The following SHOX variants were observed in gnomAD, a reference collection of about 807,000 sequenced individuals.
The protein encoded by SHOX is SHOX homeobox.
In SHOX, 12 loss-of-function variants were observed where a neutral mutation model predicts 29.6. The observed-to-expected ratio is 0.41, with a 90% CI of 0.26 to 0.66. The LOEUF (loss-of-function observed/expected upper bound fraction) is 0.66, where lower values mean the gene tolerates loss of function less well. Ranked by LOEUF, SHOX falls within the 30% of genes least tolerant of loss-of-function variation. SHOX has a pLI of 0.35. For missense variants in SHOX, 499 were observed against 437.7 expected, an observed-to-expected ratio of 1.14 and a Z score of -1.25; for synonymous variants, 214 against 200.6, an observed-to-expected ratio of 1.07 and a Z score of -0.57.
downstream of SHOX, among the ~76,000 whole-genome samples, chrX:654,357 A>T (rs748959819): frequency 3.5e-3 from 526 of 151,686 alleles, 1 homozygote; most frequent in African/African-American, 0.011. Context: ...TAAAAAAATT[A>T]AAAAAAAATT....
chrX:651,414 A>C lies in SHOX; in HGVS notation c.*6778A>C, dbSNP rs747735811. The C allele has an allele frequency of 2.9e-5, 13 of 453,446 alleles. No individual in the cohort carries two copies. Among genetic ancestry groups the C allele is most frequent in the African/African-American group, 1.2e-4 (6 of 49,714 alleles). The allele number at this position is 453,446 out of a possible 1,614,324, so 28.1% of individuals were successfully genotyped here. On this transcript the variant is annotated 3_prime_UTR_variant, in exon 5 of 5. Coordinates refer to ENST00000686671, the MANE Select transcript of SHOX (RefSeq NM_000451.4). ...GAAAAAAAACAAACAAACAAACAGA[A>C]AAAAAAACCAAAAAAAACCACCCTG... is the stretch of plus-strand genomic sequence containing the variant.
chrX:634,522 G>T (rs762601288), intron 1 of SHOX, 96 bp from the exon 2 acceptor site: 93 of 1,347,984 alleles, frequency 6.9e-5, no homozygotes, highest in Non-Finnish European at 9.5e-5. Flanking sequence ...ATTGGTTTTC[G>T]AGGGCCCCCT....
chrX:633,243 C>T (rs1431740690), intron 1 of SHOX, among the ~76,000 whole-genome samples: 3 of 152,194 alleles, frequency 2.0e-5, no homozygotes, highest in South Asian at 4.2e-4. Context: ...CCTGGGAGCC[C>T]GTGGGTTCTG....
rs1569495959 is a variant in SHOX, at chrX:650,791, T to TAAAAAA, written c.*6155_*6156insAAAAAA. Among the ~76,000 whole-genome samples the TAAAAAA allele has an allele frequency of 1.7e-4, 5 of 29,870 alleles. No individual in the cohort carries two copies. Among genetic ancestry groups the TAAAAAA allele is most frequent in the African/African-American group, 4.7e-4 (4 of 8,434 alleles). The allele number at this position is 29,870 out of a possible 152,430, so 19.6% of individuals were successfully genotyped here. On this transcript the variant is annotated 3_prime_UTR_variant, in exon 5 of 5. Coordinates refer to ENST00000686671, the MANE Select transcript of SHOX (RefSeq NM_000451.4). ...AGGCTTTCGGTGGACACGTTTGACA[T>TAAAAAA]TAAAAAAAAAAAAAAAAAAAAAAAA...
At chrX:634,563 C>G in intron 1 of SHOX, 55 bp from the exon 2 acceptor site, 1 of 1,592,590 alleles carries the variant, frequency 6.3e-7, no homozygotes, top group Non-Finnish European at 8.6e-7. Context: ...AGGGGTTCGC[C>G]ACGTTGCGCA....
rs1556473256 is a variant in SHOX at position 650,814 on chromosome X, A to AAAAC, written c.*6181_*6182insCAAA. Among the ~76,000 whole-genome samples, 2 of 150,868 alleles carry AAAAC rather than the reference A, an allele frequency of 1.3e-5. No homozygotes were observed. Among genetic ancestry groups the AAAAC allele is most frequent in the African/African-American group, 4.9e-5 (2 of 40,998 alleles). ...CATTAAAAAAAAAAAAAAAAAAAAA[A>AAAAC]AAAAACTGGTGCCTAATTTATTAAA... On this transcript the variant is annotated 3_prime_UTR_variant, in exon 5 of 5. Transcript: ENST00000686671.
rs73607275 is a variant in SHOX, at chrX:643,491, G to A, written c.634-900G>A. ...ACCTGGTGTCCTGGGGAGAGCCTTGGGGACCTGGTGACCTTGGAGAGGCTT... is the reference window on the plus strand; with the variant it reads ...ACCTGGTGTCCTGGGGAGAGCCTTGAGGACCTGGTGACCTTGGAGAGGCTT... On this transcript the variant is annotated intron_variant, in intron 4 of 4. Transcript: ENST00000686671. Among the ~76,000 whole-genome samples the A allele has an allele frequency of 5.3e-3, 782 of 148,152 alleles. 14 individuals are homozygous for A. Among genetic ancestry groups the A allele is most frequent in the African/African-American group, 0.017 (663 of 39,646 alleles).
chrX:658,577 TCTC>T (rs2053180442), intron 5 of SHOX, among the ~76,000 whole-genome samples: 1 of 150,876 alleles, frequency 6.6e-6, no homozygotes, highest in South Asian at 2.1e-4. Context: ...TTCACGCCAT[TCTC>T]CTGCCTCAGC....
chrX:630,845 G>C lies in SHOX; in HGVS notation c.-53G>C. The stretch of plus-strand genomic sequence containing the variant: ...GCGCACGGGCCGTCCTCTCCGCGCG[G>C]GGAGACGCGCGCATCCACCAGCCCC... On this transcript the variant is annotated 5_prime_UTR_variant, in exon 1 of 5. Transcript: ENST00000686671. 2.5e-6 allele frequency: 4 copies of C among 1,607,396 alleles called. No individual in the cohort carries two copies. In the South Asian group the frequency reaches 4.4e-5, roughly 18 times the overall value.
In SHOX at chrX:648,750, T is replaced by G. The variant is rs751502295; in HGVS notation, c.*4114T>G. Among the ~76,000 whole-genome samples the G allele has an allele frequency of 6.6e-6, 1 of 152,118 alleles. No homozygotes were observed. Among genetic ancestry groups the G allele is most frequent in the African/African-American group, 2.4e-5 (1 of 41,438 alleles). On this transcript the variant is annotated 3_prime_UTR_variant, in exon 5 of 5. Coordinates refer to ENST00000686671, the MANE Select transcript of SHOX (RefSeq NM_000451.4). ...AGTTGGGTGACTTTCTGTAGGTGGA[T>G]GAGTGATCCCTGAATGAGTGTGGGG... is the stretch of plus-strand genomic sequence containing the variant.
chrX:648,970 TTA>T lies in SHOX; in HGVS notation c.*4336_*4337del, dbSNP rs1453096523. Among the ~76,000 whole-genome samples the T allele has an allele frequency of 4.0e-5, 6 of 150,252 alleles. No individual in the cohort carries two copies. The highest frequency in any genetic ancestry group is 2.1e-4 in the South Asian group (1 of 4,780). On this transcript the variant is annotated 3_prime_UTR_variant, in exon 5 of 5. Transcript: ENST00000686671. The stretch of plus-strand genomic sequence containing the variant: ...TTCTTTCTTTCTGTTTCTTTCCTTT[TTA>T]TCTTTCTCTCTTTTTCTTTCTCTTT...
chrX:630,239 C>T (rs752775539), upstream of SHOX, among the ~76,000 whole-genome samples: 1 of 152,214 alleles, frequency 6.6e-6, no homozygotes, highest in South Asian at 2.1e-4. Context: ...AACTCTCCAT[C>T]CAAGGGCGCG....
chrX:634,963 G>T, intron 2 of SHOX, 137 bp downstream of exon 2: 1 of 919,306 alleles, frequency 1.1e-6, no homozygotes, highest in South Asian at 1.7e-5. Flanking sequence ...GTGAGGGACG[G>T]GCTGGGGTTC....
chrX:646,714 G>C lies in SHOX; in HGVS notation c.*2078G>C, dbSNP rs924896107. 4 of 151,798 alleles carry C rather than the reference G, an allele frequency of 2.6e-5. No individual in the cohort carries two copies. Among genetic ancestry groups the C allele is most frequent in the African/African-American group, 7.3e-5 (3 of 41,306 alleles). 9.4% of individuals were successfully genotyped at this position (151,798 alleles called of 1,614,324 possible). On this transcript the variant is annotated 3_prime_UTR_variant, in exon 5 of 5. Coordinates refer to ENST00000686671, the MANE Select transcript of SHOX (RefSeq NM_000451.4). ...ATGTTACAACCGCTGTAAAATGACG[G>C]AGAGAGAGAGAAAGAATCCCAGACA...
At chrX:631,997 G>A (rs1286541665) in intron 1 of SHOX, 1 of 455,960 alleles carries the variant, frequency 2.2e-6, no homozygotes, top group Non-Finnish European at 4.4e-6. Context: ...GGTAGGAGAC[G>A]GGAAGGCCCC....
rs1352287030 is a variant in SHOX at position 625,727 on chromosome X, C to CT, written c.-433+1125_-433+1126insT. ...TCTTTCTATCTCTGTCTCTCTCTCT[C>CT]CTCTCTCTCTGTCTCTTTTTCTCTG... On this transcript the variant is annotated intron_variant, in intron 1 of 5. Transcript: ENST00000334060. Among the ~76,000 whole-genome samples the CT allele has an allele frequency of 3.3e-4, 42 of 126,866 alleles. 1 individual carries two copies. Among genetic ancestry groups the CT allele is most frequent in the African/African-American group, 8.6e-4 (28 of 32,738 alleles). The allele number at this position is 126,866 out of a possible 152,430, so 83.2% of individuals were successfully genotyped here.
intron 2 of SHOX, among the ~76,000 whole-genome samples, chrX:638,299 G>C (rs759060399): frequency 6.6e-6 from 1 of 152,062 alleles, no homozygotes; most frequent in African/African-American, 2.4e-5. Context: ...GAGTGAATGA[G>C]GCTTTCCACG....
chrX:636,970 A>ACT, intron 2 of SHOX, among the ~76,000 whole-genome samples: 1 of 137,346 alleles, frequency 7.3e-6, no homozygotes, highest in South Asian at 2.2e-4. Flanking sequence ...ATATATATAT[A>ACT]TTTTGGCTCC....
At chrX:656,668 C>T (rs758827175) in intron 5 of SHOX, among the ~76,000 whole-genome samples, 14 of 152,106 alleles carry the variant, frequency 9.2e-5, no homozygotes, top group Middle Eastern at 3.4e-3. Flanking sequence ...GGTGAAACCC[C>T]GTCTCTACTA....
Sources: allele counts gnomAD v4.1 joint callset (sites outside exome capture counted in the v4.1 genomes callset), GRCh38; gene constraint gnomAD v4.1.1; transcripts MANE v1.5; gene names NCBI Gene and HGNC (gene_info 2026-07-23, HGNC 2026-07-21).